The following RBBP5 variants were observed in gnomAD, a reference collection of about 807,000 sequenced individuals.
RBBP5 encodes RB binding protein 5, histone lysine methyltransferase complex subunit.
RBBP5 carries 5 observed loss-of-function variants against 72.2 expected under a neutral mutation model. The observed-to-expected ratio is 0.07, with a 90% CI of 0.04 to 0.15. The LOEUF is 0.15. Among genes scored for constraint, RBBP5 ranks in the 10% least tolerant of loss-of-function variants. The pLI is 1.00. For missense variants in RBBP5, 322 were observed against 652.2 expected, an observed-to-expected ratio of 0.49 and a Z score of 5.51; for synonymous variants, 209 against 237.2, an observed-to-expected ratio of 0.88 and a Z score of 1.09.
chr1:205,117,020 T>C (rs1656552495), intron 1 of RBBP5, among the ~76,000 whole-genome samples: 1 of 151,986 alleles, frequency 6.6e-6, no homozygotes, highest in African/African-American at 2.4e-5. Context: ...TTTTTTGGGT[T>C]TTTTTTTGTT....
chr1:205,121,844 G>T lies in RBBP5; in HGVS notation c.19+11C>A. On this transcript the variant is annotated intron_variant, in intron 1 of 13. Coordinates refer to ENST00000264515, the MANE Select transcript of RBBP5 (RefSeq NM_005057.4). ...AACGCTTCTCTAAAACGCAGCCACA[G>T]CCCTTCTCACCCAGCAACTCGAGGT... The T allele has an allele frequency of 6.2e-7, 1 of 1,612,260 alleles. No homozygotes were observed.
At chr1:205,103,684 A>C (rs527334470) in intron 5 of RBBP5, among the ~76,000 whole-genome samples, 173 bp downstream of exon 5, 203 of 152,328 alleles carry the variant, frequency 1.3e-3, no homozygotes, top group Middle Eastern at 3.4e-3. Flanking sequence ...TATCACTCTA[A>C]ATCCAAAGAA....
At chr1:205,117,656 G>A (rs1419262440) in intron 1 of RBBP5, among the ~76,000 whole-genome samples, 4 of 151,640 alleles carry the variant, frequency 2.6e-5, no homozygotes, top group Admixed American at 2.6e-4. Context: ...GGGAAACTCT[G>A]TCTCAAAAAA....
intron 1 of RBBP5, among the ~76,000 whole-genome samples, chr1:205,117,347 C>A (rs890815188): frequency 6.6e-6 from 1 of 151,982 alleles, no homozygotes; most frequent in African/African-American, 2.4e-5. Context: ...AGCCACCACG[C>A]CCGGCCTAGT....
At chr1:205,090,256 G>A (rs1328714778) in intron 13 of RBBP5, among the ~76,000 whole-genome samples, 1 of 152,102 alleles carries the variant, frequency 6.6e-6, no homozygotes, top group Admixed American at 6.5e-5. Flanking sequence ...TATTCCCACA[G>A]GTACCCTGAC....
At chr1:205,097,265 T>TAG in intron 11 of RBBP5, 61 bp downstream of exon 11, 1 of 1,450,910 alleles carries the variant, frequency 6.9e-7, no homozygotes, top group South Asian at 1.2e-5. Flanking sequence ...AACTGCAGAG[T>TAG]ACTCCCCCAG....
chr1:205,094,387 A>G (rs1655532316), intron 13 of RBBP5, among the ~76,000 whole-genome samples: 1 of 152,246 alleles, frequency 6.6e-6, no homozygotes, highest in African/African-American at 2.4e-5. Flanking sequence ...GGATTTGAAC[A>G]ATTTGAAGAG....
chr1:205,117,701 G>C (rs1350135458), intron 1 of RBBP5, among the ~76,000 whole-genome samples: 3 of 151,856 alleles, frequency 2.0e-5, no homozygotes, highest in African/African-American at 7.3e-5. Flanking sequence ...ATAAACAAAT[G>C]TATGTGTAAG....
chr1:205,110,469 A>T (rs58768009), intron 3 of RBBP5, among the ~76,000 whole-genome samples: 15,388 of 152,230 alleles, frequency 0.1, 1,429 homozygotes, highest in African/African-American at 0.24. Flanking sequence ...AGGAACAGTT[A>T]AATCTATGAT....
intron 3 of RBBP5, among the ~76,000 whole-genome samples, chr1:205,106,104 A>G (rs1453293019): frequency 6.6e-6 from 1 of 152,088 alleles, no homozygotes; most frequent in African/African-American, 2.4e-5. Flanking sequence ...GAGAAGGAAC[A>G]AGGAATTCCT....
At chr1:205,120,814 C>T (rs1656708328) in intron 1 of RBBP5, among the ~76,000 whole-genome samples, 1 of 151,920 alleles carries the variant, frequency 6.6e-6, no homozygotes. Flanking sequence ...AAAACTCCAA[C>T]TCCTCCACAG....
intron 12 of RBBP5, 41 bp downstream of exon 12, chr1:205,096,641 G>A: frequency 1.3e-6 from 2 of 1,573,700 alleles, no homozygotes; most frequent in Non-Finnish European, 1.7e-6. Context: ...TGAGTAGAAA[G>A]TGGCGTCTGC....
At chr1:205,118,815 G>A (rs1039495045) in intron 1 of RBBP5, among the ~76,000 whole-genome samples, 7 of 151,898 alleles carry the variant, frequency 4.6e-5, no homozygotes, top group South Asian at 2.1e-4. Context: ...TTATATCTCC[G>A]GTGCACACTG....
intron 10 of RBBP5, 105 bp downstream of exon 10, chr1:205,098,884 A>G (rs979273078): frequency 4.4e-6 from 3 of 676,334 alleles, no homozygotes; most frequent in Non-Finnish European, 4.5e-6. Context: ...GGAGGGGGGC[A>G]TTTTAGATGA....
At chr1:205,105,284 G>A (rs1462811951) in intron 3 of RBBP5, 116 bp from the exon 4 acceptor site, 1 of 1,259,050 alleles carries the variant, frequency 7.9e-7, no homozygotes, top group Non-Finnish European at 1.1e-6. Flanking sequence ...CAATGTTTTT[G>A]GTTTTGTTCC....
intron 5 of RBBP5, among the ~76,000 whole-genome samples, chr1:205,102,374 T>G (rs1410468669): frequency 6.6e-6 from 1 of 152,140 alleles, no homozygotes; most frequent in Non-Finnish European, 1.5e-5. Context: ...GGGTGAAGCT[T>G]GAGGACATGA....
chr1:205,121,717 G>A, intron 1 of RBBP5, 138 bp downstream of exon 1: 7 of 1,394,914 alleles, frequency 5.0e-6, no homozygotes, highest in Non-Finnish European at 7.0e-6. Context: ...TCCTCCCGCT[G>A]CTGCTCCACA....
intron 13 of RBBP5, among the ~76,000 whole-genome samples, chr1:205,090,344 G>C (rs914391362): frequency 6.6e-6 from 1 of 152,142 alleles, no homozygotes; most frequent in African/African-American, 2.4e-5. Flanking sequence ...AAAGTGGCTT[G>C]ATCACTAATC....
Position 205,088,699 on chromosome 1 carries a change from A to C in RBBP5, c.*88T>G. ...GTGGGAGGCACAGGCCTTTGTTTTA[A>C]ATTAAAGTCAATTTTCAAATGACTG... is the stretch of plus-strand genomic sequence containing the variant. On this transcript the variant is annotated 3_prime_UTR_variant, in exon 14 of 14. Transcript: ENST00000264515. 1 of 1,411,880 alleles carries C rather than the reference A, an allele frequency of 7.1e-7. No homozygotes were observed. Among genetic ancestry groups the C allele is most frequent in the Non-Finnish European group, 9.8e-7 (1 of 1,022,246 alleles). The allele number at this position is 1,411,880 out of a possible 1,614,324, so 87.5% of individuals were successfully genotyped here. A position where few individuals can be genotyped will look rare whatever the true frequency, so the allele number is the denominator to read the frequency against.
Sources: allele counts gnomAD v4.1 joint callset (sites outside exome capture counted in the v4.1 genomes callset), GRCh38; gene constraint gnomAD v4.1.1; transcripts MANE v1.5; gene names NCBI Gene and HGNC (gene_info 2026-07-23, HGNC 2026-07-21).